The following NRXN1 variants were observed in gnomAD, a reference collection of about 807,000 sequenced individuals.
NRXN1 encodes the protein neurexin-1.
NRXN1 carries 39 observed loss-of-function variants against 150.9 expected under a neutral mutation model. The observed-to-expected ratio is 0.26, with a 90% CI of 0.20 to 0.34. The LOEUF is 0.34. Ranked by LOEUF, NRXN1 falls within the 10% of genes least tolerant of loss-of-function variation. NRXN1 has a pLI of 1.00. For missense variants in NRXN1, 1,815 were observed against 1,949.9 expected (o/e 0.93, Z 1.30); for synonymous variants, 924 against 757.0 (o/e 1.22, Z -3.62).
intron 5 of NRXN1, among the ~76,000 whole-genome samples, chr2:50,842,687 T>G (rs1673046598): frequency 1.3e-5 from 2 of 152,188 alleles, no homozygotes; most frequent in Admixed American, 6.5e-5. Flanking sequence ...TAGAAAAAAG[T>G]GTACATAAAT....
At chr2:50,964,155 C>T (rs568205432) in intron 2 of NRXN1, among the ~76,000 whole-genome samples, 2 of 151,622 alleles carry the variant, frequency 1.3e-5, no homozygotes, top group East Asian at 3.9e-4. Flanking sequence ...TGAAATTGTC[C>T]AGTGAGTAGA....
chr2:50,135,347 C>CA (rs1423657676), intron 18 of NRXN1, among the ~76,000 whole-genome samples: 1 of 152,190 alleles, frequency 6.6e-6, no homozygotes, highest in Non-Finnish European at 1.5e-5. Context: ...ACCCCATACT[C>CA]AAACTCTCCC....
chr2:50,514,170 T>C (rs2092556721), intron 12 of NRXN1, among the ~76,000 whole-genome samples: 2 of 152,198 alleles, frequency 1.3e-5, no homozygotes, highest in Non-Finnish European at 2.9e-5. Flanking sequence ...TGGGTATTTC[T>C]GCAAAACCAT....
chr2:50,759,826 CTG>C (rs72209781), intron 5 of NRXN1, among the ~76,000 whole-genome samples: 13,282 of 142,100 alleles, frequency 0.093, 642 homozygotes, highest in Admixed American at 0.17. Context: ...TCTAACTAAG[CTG>C]TGTGTGTGTG....
chr2:51,013,116 C>A (rs540969826), intron 2 of NRXN1, among the ~76,000 whole-genome samples: 5 of 152,134 alleles, frequency 3.3e-5, no homozygotes, highest in Admixed American at 3.3e-4. Context: ...GGAGGATACC[C>A]TGGAGATGGC....
chr2:50,861,704 G>A (rs1040259175), intron 5 of NRXN1, among the ~76,000 whole-genome samples: 4 of 152,016 alleles, frequency 2.6e-5, no homozygotes, highest in African/African-American at 7.2e-5. Flanking sequence ...TGTAGGGTGT[G>A]GCTATAGCAA....
Position 50,922,732 on chromosome 2 carries a change from T to C in NRXN1, c.791-45A>G, listed in dbSNP as rs796840081. ...ACAGTCAGCAATAAACAAGGGAGCA[T>C]GGGAAGGCAGGGTTGTCACGGTGAC... On this transcript the variant is annotated intron_variant, in intron 3 of 22. Coordinates refer to ENST00000401669, the MANE Select transcript of NRXN1 (RefSeq NM_001330078.2). 6 of 1,600,808 alleles carry C rather than the reference T, an allele frequency of 3.7e-6. 1 individual carries two copies. The African/African-American group carries it at 4.0e-5, about 11-fold the overall frequency.
At chr2:50,304,983 G>A (rs1051913040) in intron 17 of NRXN1, among the ~76,000 whole-genome samples, 5 of 152,036 alleles carry the variant, frequency 3.3e-5, no homozygotes, top group Admixed American at 1.3e-4. Flanking sequence ...CCAGCTACTC[G>A]GGAGGCTCAG....
intron 18 of NRXN1, among the ~76,000 whole-genome samples, chr2:50,165,379 C>T (rs1312761842): frequency 2.6e-5 from 4 of 152,144 alleles, no homozygotes; most frequent in African/African-American, 4.8e-5. Flanking sequence ...GACACAGTCT[C>T]ACTCTGTCAC....
intron 16 of NRXN1, among the ~76,000 whole-genome samples, chr2:50,471,751 G>C (rs2089487224): frequency 6.6e-6 from 1 of 151,674 alleles, no homozygotes; most frequent in African/African-American, 2.4e-5. Context: ...GTGTGAGGAT[G>C]GAGAGGATCA....
chr2:50,168,441 C>T (rs2059817865), intron 18 of NRXN1, among the ~76,000 whole-genome samples: 1 of 152,054 alleles, frequency 6.6e-6, no homozygotes, highest in Admixed American at 6.6e-5. Context: ...TTAAAAATCA[C>T]GGTTCATTTG....
At chr2:51,020,603 G>A (rs1364242520) in intron 2 of NRXN1, among the ~76,000 whole-genome samples, 9 of 151,982 alleles carry the variant, frequency 5.9e-5, no homozygotes, top group Admixed American at 5.9e-4. Context: ...CTTTGAAAGA[G>A]TGTGTATCTA....
intron 5 of NRXN1, among the ~76,000 whole-genome samples, chr2:50,780,351 C>T (rs1230761121): frequency 1.3e-5 from 2 of 152,076 alleles, no homozygotes; most frequent in African/African-American, 2.4e-5. Flanking sequence ...CTTTTCATGA[C>T]ATTAAATATA....
intron 2 of NRXN1, among the ~76,000 whole-genome samples, chr2:50,995,854 T>A (rs953304858): frequency 6.6e-6 from 1 of 152,120 alleles, no homozygotes; most frequent in Non-Finnish European, 1.5e-5. Context: ...AATCCCTGCA[T>A]GCTTTAATCT....
chr2:50,676,253 A>G (rs1342992440), intron 5 of NRXN1, among the ~76,000 whole-genome samples: 1 of 152,140 alleles, frequency 6.6e-6, no homozygotes, highest in Non-Finnish European at 1.5e-5. Flanking sequence ...CCTCACTAGA[A>G]GCAGATGCTG....
intron 15 of NRXN1, among the ~76,000 whole-genome samples, chr2:50,484,946 A>G (rs1210684687): frequency 6.6e-6 from 1 of 152,214 alleles, no homozygotes; most frequent in East Asian, 1.9e-4. Flanking sequence ...TTCACTGTAG[A>G]CATTCAGAAG....
intron 21 of NRXN1, chr2:50,016,404 G>C (rs772019567): frequency 6.6e-6 from 1 of 152,182 alleles, no homozygotes; most frequent in African/African-American, 2.4e-5. Context: ...AGAAGTGAAA[G>C]CAGTGGGGCT....
rs2104000163 is a variant in NRXN1, at chr2:49,922,255, T to C, written c.4217-4A>G. The C allele has an allele frequency of 1.9e-6, 3 of 1,611,976 alleles. No individual in the cohort carries two copies. Among genetic ancestry groups the C allele is most frequent in the Non-Finnish European group, 2.5e-6 (3 of 1,178,790 alleles). On this transcript the variant is annotated splice_polypyrimidine_tract_variant and splice_region_variant and intron_variant, in intron 22 of 22. Transcript: ENST00000401669. ...CCGCCTGCTCGGGTTGGGTTGGCTA[T>C]AGAAAAGAGGATGAGAACAAACACA...
intron 5 of NRXN1, among the ~76,000 whole-genome samples, chr2:50,834,612 C>A (rs1319232046): frequency 6.6e-6 from 1 of 152,038 alleles, no homozygotes; most frequent in African/African-American, 2.4e-5. Context: ...TTGAAGGACG[C>A]CAATAACAAA....
Sources: gnomAD v4.1 joint callset for allele counts (sites outside exome capture counted in the v4.1 genomes callset) on GRCh38, gnomAD v4.1.1 for gene constraint, MANE v1.5 for transcripts, NCBI Gene and HGNC (gene_info 2026-07-23, HGNC 2026-07-21) for gene names.